The following ASTN2 variants were observed in gnomAD, a reference collection of about 807,000 sequenced individuals.
The protein encoded by ASTN2 is astrotactin 2.
Under a neutral mutation model 139.8 loss-of-function variants are expected in ASTN2, and 54 were observed. The observed-to-expected ratio is 0.39, with a 90% confidence interval of 0.31 to 0.48. The LOEUF is 0.48. Among genes scored for constraint, ASTN2 ranks in the 20% least tolerant of loss-of-function variants. The pLI is 0.95. For synonymous variants in ASTN2, 756 were observed against 719.5 expected, an observed-to-expected ratio of 1.05 and a Z score of -0.81; for missense variants, 1,565 against 1,725.1, an observed-to-expected ratio of 0.91 and a Z score of 1.64.
chr9:116,531,085 G>T (rs141405902), intron 19 of ASTN2, among the ~76,000 whole-genome samples: 1 of 152,138 alleles, frequency 6.6e-6, no homozygotes, highest in Admixed American at 6.6e-5. Flanking sequence ...GCTGAGACAC[G>T]TTCTTGGCCC....
In ASTN2 at chr9:116,942,219, C is replaced by A. The variant is rs1248725943; in HGVS notation, c.1889+32989G>T. On this transcript the variant is annotated intron_variant, in intron 10 of 22. Coordinates refer to ENST00000313400, the MANE Select transcript of ASTN2 (RefSeq NM_001365068.1). ...ATTATTATCACTCAGGCCCTCAGAT[C>A]TCAGTGCTGATAAGTTCAGCTAAGC... is the stretch of plus-strand genomic sequence containing the variant. 3.3e-5 allele frequency among the ~76,000 whole-genome samples: 5 copies of A among 152,104 alleles called. No individual in the cohort carries two copies. The East Asian group carries it at 9.7e-4, about 30-fold the overall frequency.
At chr9:117,135,699 AG>A (rs1361599137) in intron 4 of ASTN2, among the ~76,000 whole-genome samples, 2 of 152,164 alleles carry the variant, frequency 1.3e-5, no homozygotes, top group Non-Finnish European at 2.9e-5. Context: ...CAGAGAAAAG[AG>A]TGGCTTGCTG....
chr9:116,883,255 A>G (rs1181932253), intron 10 of ASTN2, among the ~76,000 whole-genome samples: 1 of 152,236 alleles, frequency 6.6e-6, no homozygotes, highest in Non-Finnish European at 1.5e-5. Flanking sequence ...AGTTTGTTAT[A>G]ATATTAATTT....
rs903723313 is a variant in ASTN2, at chr9:117,128,469, G to A, written c.1168+12857C>T. On this transcript the variant is annotated intron_variant, in intron 4 of 22. Coordinates refer to ENST00000313400, the MANE Select transcript of ASTN2 (RefSeq NM_001365068.1). Reference sequence around the variant, plus strand: ...TTATGACAGCGATGTTATCTATAAGGGCAATTGGGGAGGTTAGGAATCTTG... The same window carrying A: ...TTATGACAGCGATGTTATCTATAAGAGCAATTGGGGAGGTTAGGAATCTTG... Among the ~76,000 whole-genome samples, 3 of 32,020 alleles carry A rather than the reference G, an allele frequency of 9.4e-5. No individual in the cohort carries two copies. In the South Asian group the frequency reaches 3.3e-3, roughly 35 times the overall value. The allele number at this position is 32,020 out of a possible 152,430, so 21.0% of individuals were successfully genotyped here.
intron 16 of ASTN2, among the ~76,000 whole-genome samples, chr9:116,717,190 G>T (rs1215969451): frequency 6.6e-6 from 1 of 152,224 alleles, no homozygotes; most frequent in Non-Finnish European, 1.5e-5. Context: ...TTTGTGTGAT[G>T]CACTGCACTG....
chr9:116,808,108 C>T (rs1379121045), intron 12 of ASTN2, among the ~76,000 whole-genome samples: 5 of 152,170 alleles, frequency 3.3e-5, no homozygotes, highest in African/African-American at 7.2e-5. Flanking sequence ...TGTGAGACTT[C>T]GTCTCAAAAA....
intron 13 of ASTN2, among the ~76,000 whole-genome samples, chr9:116,766,866 CAT>C (rs1477315504): frequency 6.6e-6 from 1 of 151,644 alleles, no homozygotes; most frequent in Non-Finnish European, 1.5e-5. Context: ...CATACTCACA[CAT>C]AAACACACAC....
chr9:116,826,629 C>T (rs1344214625), intron 11 of ASTN2, among the ~76,000 whole-genome samples: 3 of 152,176 alleles, frequency 2.0e-5, no homozygotes, highest in African/African-American at 7.2e-5. Flanking sequence ...AGCCACACTA[C>T]ACTAGCTTCC....
chr9:117,222,298 G>T (rs1298000086), intron 2 of ASTN2, among the ~76,000 whole-genome samples: 2 of 152,148 alleles, frequency 1.3e-5, no homozygotes, highest in Non-Finnish European at 2.9e-5. Flanking sequence ...TTCTTCAAAT[G>T]TGTGCTTTGG....
chr9:116,642,589 A>G (rs1251512824), intron 17 of ASTN2, among the ~76,000 whole-genome samples: 2 of 152,182 alleles, frequency 1.3e-5, no homozygotes, highest in Non-Finnish European at 2.9e-5. Flanking sequence ...ATTCTACAAC[A>G]TTTGAGTCAA....
At chr9:117,359,456 G>A (rs1829635692) in intron 1 of ASTN2, among the ~76,000 whole-genome samples, 1 of 152,212 alleles carries the variant, frequency 6.6e-6, no homozygotes, top group Admixed American at 6.5e-5. Flanking sequence ...TCTGTTGCAT[G>A]CTGAGATAAG....
chr9:117,068,949 C>CA (rs1828030617), intron 5 of ASTN2, among the ~76,000 whole-genome samples: 1 of 103,466 alleles, frequency 9.7e-6, no homozygotes, highest in South Asian at 4.5e-4. Context: ...TTGATCCTTT[C>CA]AAAAAACCAG....
chr9:117,141,715 C>G (rs1225212060), intron 3 of ASTN2, among the ~76,000 whole-genome samples: 3 of 152,212 alleles, frequency 2.0e-5, no homozygotes, highest in African/African-American at 7.2e-5. Flanking sequence ...TTACTACGTT[C>G]CAGGTACTGC....
At chr9:116,647,508 T>G (rs944464537) in intron 17 of ASTN2, among the ~76,000 whole-genome samples, 1 of 152,176 alleles carries the variant, frequency 6.6e-6, no homozygotes, top group African/African-American at 2.4e-5. Context: ...ATTTCAATGA[T>G]GCTGAGGGAA....
intron 1 of ASTN2, among the ~76,000 whole-genome samples, chr9:117,356,197 T>C (rs970662452): frequency 1.3e-5 from 2 of 152,346 alleles, no homozygotes; most frequent in African/African-American, 4.8e-5. Context: ...TGATTCTCTA[T>C]TAACAACTTT....
intron 5 of ASTN2, 78 bp from the exon 6 acceptor site, chr9:117,040,043 T>C (rs1838509495): frequency 3.5e-6 from 5 of 1,421,446 alleles, no homozygotes; most frequent in Non-Finnish European, 3.8e-6. Flanking sequence ...TTGGGAATTC[T>C]ATTATTTTCC....
intron 1 of ASTN2, among the ~76,000 whole-genome samples, chr9:117,362,963 T>TG (rs1185373724): frequency 6.6e-6 from 1 of 152,198 alleles, no homozygotes; most frequent in African/African-American, 2.4e-5. Context: ...AGCCTCTTCC[T>TG]ACCCTCTTGG....
intron 19 of ASTN2, among the ~76,000 whole-genome samples, chr9:116,516,604 C>A (rs1427836540): frequency 1.3e-5 from 2 of 152,156 alleles, no homozygotes; most frequent in Non-Finnish European, 2.9e-5. Flanking sequence ...ACCAGGAAGC[C>A]AAGAGAATCC....
intron 13 of ASTN2, among the ~76,000 whole-genome samples, chr9:116,776,020 G>T (rs1405524229): frequency 1.3e-5 from 2 of 152,142 alleles, no homozygotes; most frequent in African/African-American, 4.8e-5. Flanking sequence ...GCATAAGGGT[G>T]CCCCACTGAA....
Sources: allele counts gnomAD v4.1 joint callset (sites outside exome capture counted in the v4.1 genomes callset), GRCh38; gene constraint gnomAD v4.1.1; transcripts MANE v1.5; gene names NCBI Gene and HGNC (gene_info 2026-07-23, HGNC 2026-07-21).